The following SLC20A2 variants were observed in gnomAD, a reference collection of about 807,000 sequenced individuals.
The protein encoded by SLC20A2 is solute carrier family 20 member 2, also known as sodium-dependent phosphate transporter 2.
A neutral mutation model predicts 61.0 loss-of-function variants in SLC20A2; 30 were observed. The observed-to-expected ratio is 0.49, with a 90% CI of 0.37 to 0.67. The LOEUF (loss-of-function observed/expected upper bound fraction) is 0.67. Ranked by LOEUF, SLC20A2 falls within the 30% of genes least tolerant of loss-of-function variation. The pLI is 0.00. For synonymous variants in SLC20A2, 351 were observed against 353.3 expected, an observed-to-expected ratio of 0.99 and a Z score of 0.07; for missense variants, 626 against 866.4, an observed-to-expected ratio of 0.72 and a Z score of 3.48.
intron 10 of SLC20A2, among the ~76,000 whole-genome samples, chr8:42,427,913 T>C (rs1336531312): frequency 6.6e-6 from 1 of 152,220 alleles, no homozygotes; most frequent in Non-Finnish European, 1.5e-5. Flanking sequence ...TAGTTTTTCT[T>C]GAATAATACA....
intron 2 of SLC20A2, among the ~76,000 whole-genome samples, chr8:42,466,390 T>C (rs892536577): frequency 3.9e-5 from 6 of 152,096 alleles, no homozygotes; most frequent in African/African-American, 1.4e-4. Context: ...CCGGCCAGAT[T>C]ATGCATTTAA....
chr8:42,475,471 G>A (rs549012045), intron 1 of SLC20A2, among the ~76,000 whole-genome samples: 17 of 151,924 alleles, frequency 1.1e-4, no homozygotes, highest in Middle Eastern at 3.4e-3. Flanking sequence ...GTGCAGTGGC[G>A]CGATCTTGGC....
Position 42,440,049 on chromosome 8 carries a change from C to A in SLC20A2, c.731-396G>T, listed in dbSNP as rs1358893687. Among the ~76,000 whole-genome samples, 3 of 150,998 alleles carry A rather than the reference C, an allele frequency of 2.0e-5. No homozygotes were observed. The East Asian group carries it at 5.9e-4, about 29-fold the overall frequency. On this transcript the variant is annotated intron_variant, in intron 6 of 10. Transcript: ENST00000520262. Reference sequence around the variant, plus strand: ...GCAGTGAGCCAAGACTGCGCCACTGCGCTCCAGCCTGGGTGACAGAGTGAG... The same window carrying A: ...GCAGTGAGCCAAGACTGCGCCACTGAGCTCCAGCCTGGGTGACAGAGTGAG...
chr8:42,531,293 A>G (rs1431027235), intron 1 of SLC20A2, among the ~76,000 whole-genome samples: 3 of 152,156 alleles, frequency 2.0e-5, no homozygotes, highest in Non-Finnish European at 4.4e-5. Context: ...AGGACCATTA[A>G]TGGACTCTTA....
chr8:42,465,650 C>T (rs1807098076), intron 3 of SLC20A2, 127 bp downstream of exon 3: 3 of 875,700 alleles, frequency 3.4e-6, no homozygotes, highest in Non-Finnish European at 5.0e-6. Flanking sequence ...GAGATTGCAC[C>T]ACTGCACTCC....
intron 8 of SLC20A2, among the ~76,000 whole-genome samples, 197 bp downstream of exon 8, chr8:42,436,792 A>G (rs1804299256): frequency 6.6e-6 from 1 of 152,012 alleles, no homozygotes; most frequent in Non-Finnish European, 1.5e-5. Context: ...GTGTCTATCT[A>G]CCTTACTTTC....
chr8:42,513,851 C>G (rs1469424712), intron 1 of SLC20A2, among the ~76,000 whole-genome samples: 2 of 152,036 alleles, frequency 1.3e-5, no homozygotes, highest in Non-Finnish European at 2.9e-5. Context: ...AATACCCAGG[C>G]AGAAAAACAG....
Position 42,451,555 on chromosome 8 carries a change from A to G in SLC20A2, c.614-6793T>C, listed in dbSNP as rs143833393. Among the ~76,000 whole-genome samples the G allele has an allele frequency of 2.2e-3, 306 of 138,954 alleles. 2 individuals carry two copies. Among genetic ancestry groups the G allele is most frequent in the Non-Finnish European group, 4.1e-3 (262 of 64,432 alleles). 91.2% of individuals were successfully genotyped at this position (138,954 alleles called of 152,430 possible). A position where few individuals can be genotyped will look rare whatever the true frequency, so the allele number is the denominator to read the frequency against. ...GAGATGAAAGAGGAGGAAAAGATGG[A>G]GGAGGAAGAGGAAGAGATGAAGAGG... is the stretch of plus-strand genomic sequence containing the variant. On this transcript the variant is annotated intron_variant, in intron 5 of 10. Coordinates refer to ENST00000520262, the MANE Select transcript of SLC20A2 (RefSeq NM_001257180.2).
chr8:42,418,871 G>A (rs905664938), intron 10 of SLC20A2, among the ~76,000 whole-genome samples: 2 of 151,640 alleles, frequency 1.3e-5, no homozygotes, highest in African/African-American at 4.8e-5. Context: ...GGTGGCAGGC[G>A]CCTGTAGTCC....
intron 4 of SLC20A2, among the ~76,000 whole-genome samples, chr8:42,461,690 G>A (rs1369215925): frequency 2.0e-5 from 3 of 152,036 alleles, no homozygotes; most frequent in Non-Finnish European, 2.9e-5. Flanking sequence ...GACCTCAAGT[G>A]ATCCACCGCG....
chr8:42,491,682 A>AGT (rs1809530443), intron 1 of SLC20A2, among the ~76,000 whole-genome samples: 1 of 152,012 alleles, frequency 6.6e-6, no homozygotes, highest in Admixed American at 6.6e-5. Context: ...AAAAAAAAAA[A>AGT]GTCACTCTAT....
rs1443639013 is a variant in SLC20A2, at chr8:42,432,909, C to T, written c.1524-2660G>A. Among the ~76,000 whole-genome samples, 7 of 152,158 alleles carry T rather than the reference C, an allele frequency of 4.6e-5. No homozygotes were observed. In the South Asian group the frequency reaches 1.2e-3, roughly 27 times the overall value. On this transcript the variant is annotated intron_variant, in intron 8 of 10. Transcript: ENST00000520262. ...TTTCTATGTACTGGGACACCAAAAACTTCATGGGTATTGTGAAACTTGTTT... is the reference window on the plus strand; with the variant it reads ...TTTCTATGTACTGGGACACCAAAAATTTCATGGGTATTGTGAAACTTGTTT...
chr8:42,527,709 G>A (rs1812064904), intron 1 of SLC20A2, among the ~76,000 whole-genome samples: 1 of 151,866 alleles, frequency 6.6e-6, no homozygotes, highest in Non-Finnish European at 1.5e-5. Context: ...TGGAGGCTGC[G>A]GTGAGCCGAG....
At chr8:42,455,028 C>T (rs1453097257) in intron 5 of SLC20A2, among the ~76,000 whole-genome samples, 1 of 150,524 alleles carries the variant, frequency 6.6e-6, no homozygotes, top group Non-Finnish European at 1.5e-5. Context: ...GGGTTTGAGA[C>T]TAGCTTGGCT....
intron 1 of SLC20A2, among the ~76,000 whole-genome samples, chr8:42,488,048 GC>G (rs1344477292): frequency 6.6e-6 from 1 of 152,164 alleles, no homozygotes; most frequent in Non-Finnish European, 1.5e-5. Flanking sequence ...CCACGTTGCA[GC>G]ATGTATGAGG....
intron 5 of SLC20A2, among the ~76,000 whole-genome samples, chr8:42,455,223 TAAAAAAAAAA>T (rs1167685475): frequency 2.0e-5 from 1 of 49,864 alleles, no homozygotes; most frequent in African/African-American, 9.4e-5. Context: ...AGACTCCGTC[TAAAAAAAAAA>T]AAAAAAAAAT....
intron 1 of SLC20A2, among the ~76,000 whole-genome samples, chr8:42,506,242 C>T (rs1468630963): frequency 6.6e-6 from 1 of 152,168 alleles, no homozygotes; most frequent in Non-Finnish European, 1.5e-5. Flanking sequence ...GCCTGGCCCA[C>T]GTTAGGAATT....
intron 5 of SLC20A2, among the ~76,000 whole-genome samples, chr8:42,452,036 G>A (rs1439752910): frequency 1.9e-5 from 2 of 103,654 alleles, no homozygotes; most frequent in Non-Finnish European, 3.4e-5. Flanking sequence ...GGAAGAGGAG[G>A]AAGAGAGGGG....
chr8:42,439,710 A>G lies in SLC20A2; in HGVS notation c.731-57T>C, dbSNP rs1348154150. ...GGAAGAGAGTTCTTATTATTGAAAC[A>G]TGAATATTAAAAAGTGAATCTATAT... On this transcript the variant is annotated intron_variant, in intron 6 of 10. Transcript: ENST00000520262. 7 of 1,251,572 alleles carry G rather than the reference A, an allele frequency of 5.6e-6. No homozygotes were observed. In the Middle Eastern group the frequency reaches 7.5e-4, roughly 134 times the overall value. 77.5% of individuals were successfully genotyped at this position (1,251,572 alleles called of 1,614,324 possible). A position where few individuals can be genotyped will look rare whatever the true frequency, so the allele number is the denominator to read the frequency against.
Sources: gnomAD v4.1 joint callset for allele counts (sites outside exome capture counted in the v4.1 genomes callset) on GRCh38, gnomAD v4.1.1 for gene constraint, MANE v1.5 for transcripts, NCBI Gene and HGNC (gene_info 2026-07-23, HGNC 2026-07-21) for gene names.